MLLT3: variants seen among roughly 807,000 people sequenced by gnomAD.
The protein encoded by MLLT3 is protein AF-9.
A neutral mutation model predicts 53.2 loss-of-function variants in MLLT3; 4 were observed. That is an observed-to-expected ratio of 0.08 (90% CI 0.04 to 0.17). MLLT3 has a LOEUF of 0.17. Ranked by LOEUF, MLLT3 falls within the 10% of genes least tolerant of loss-of-function variation. MLLT3 has a pLI of 1.00. For synonymous variants in MLLT3, 283 were observed against 230.6 expected, an observed-to-expected ratio of 1.23 and a Z score of -2.06; for missense variants, 569 against 684.0, an observed-to-expected ratio of 0.83 and a Z score of 1.87.
At chr9:20,536,014 C>T (rs952000807) in intron 2 of MLLT3, among the ~76,000 whole-genome samples, 2 of 152,030 alleles carry the variant, frequency 1.3e-5, no homozygotes, top group Non-Finnish European at 1.5e-5. Context: ...AAGTCCATCA[C>T]AGGTATATTT....
intron 6 of MLLT3, 22 bp from the exon 7 acceptor site, chr9:20,363,627 C>T: frequency 3.1e-6 from 5 of 1,610,978 alleles, no homozygotes; most frequent in South Asian, 2.2e-5. Context: ...CAATGAACCA[C>T]AGGCAATCAA....
intron 2 of MLLT3, among the ~76,000 whole-genome samples, chr9:20,600,615 A>G (rs1820397473): frequency 6.6e-6 from 1 of 152,208 alleles, no homozygotes; most frequent in Admixed American, 6.5e-5. Context: ...ATCCAACTAG[A>G]TTTTAGGCTT....
At chr9:20,602,780 AC>A (rs1820461316) in intron 2 of MLLT3, among the ~76,000 whole-genome samples, 1 of 151,840 alleles carries the variant, frequency 6.6e-6, no homozygotes, top group African/African-American at 2.4e-5. Flanking sequence ...ACACACACAC[AC>A]ACACACACAC....
intron 4 of MLLT3, among the ~76,000 whole-genome samples, chr9:20,441,473 A>G (rs370013279): frequency 6.6e-6 from 1 of 152,122 alleles, no homozygotes; most frequent in Non-Finnish European, 1.5e-5. Context: ...TTCCACTTTC[A>G]TAACTTAATT....
At chr9:20,409,695 A>G (rs959467856) in intron 5 of MLLT3, among the ~76,000 whole-genome samples, 2 of 152,148 alleles carry the variant, frequency 1.3e-5, no homozygotes, top group African/African-American at 4.8e-5. Flanking sequence ...ATGCTCACCC[A>G]CTATAACACA....
chr9:20,544,033 GA>G (rs1193656798), intron 2 of MLLT3, among the ~76,000 whole-genome samples: 1 of 152,130 alleles, frequency 6.6e-6, no homozygotes, highest in African/African-American at 2.4e-5. Context: ...ACAGAATAGA[GA>G]ACCCAGAAGT....
intron 5 of MLLT3, among the ~76,000 whole-genome samples, chr9:20,412,974 CT>C (rs1292629063): frequency 6.6e-6 from 1 of 152,012 alleles, no homozygotes; most frequent in Non-Finnish European, 1.5e-5. Flanking sequence ...CAAAAAACAC[CT>C]TTTAGGGGAA....
At chr9:20,348,375 A>C (rs1037482741) in intron 10 of MLLT3, among the ~76,000 whole-genome samples, 2 of 152,218 alleles carry the variant, frequency 1.3e-5, no homozygotes, top group African/African-American at 4.8e-5. Context: ...ATTTCTGAAA[A>C]GGGTATGGAC....
chr9:20,567,405 C>A, intron 2 of MLLT3, among the ~76,000 whole-genome samples: 1 of 151,728 alleles, frequency 6.6e-6, no homozygotes, highest in Non-Finnish European at 1.5e-5. Context: ...AGGTTATTAG[C>A]CTTGCTGTTG....
chr9:20,485,815 AAC>A (rs10536646), intron 2 of MLLT3, among the ~76,000 whole-genome samples: 110,673 of 151,896 alleles, frequency 0.73, 40,428 homozygotes, highest in Middle Eastern at 0.86. Context: ...TATAAAACAA[AAC>A]AGTGATTTCT....
chr9:20,582,208 AC>A (rs1819810156), intron 2 of MLLT3, among the ~76,000 whole-genome samples: 1 of 152,164 alleles, frequency 6.6e-6, no homozygotes, highest in Non-Finnish European at 1.5e-5. Context: ...ATTTGCTACA[AC>A]TGATAAACCA....
At chr9:20,356,340 T>C (rs186686219) in intron 8 of MLLT3, among the ~76,000 whole-genome samples, 301 of 152,196 alleles carry the variant, frequency 2.0e-3, no homozygotes, top group Middle Eastern at 6.8e-3. Context: ...AAATTACGTA[T>C]TAACAGAGGC....
At chr9:20,519,312 G>A (rs2118976212) in intron 2 of MLLT3, among the ~76,000 whole-genome samples, 1 of 152,218 alleles carries the variant, frequency 6.6e-6, no homozygotes, top group East Asian at 1.9e-4. Flanking sequence ...TAACAATAGA[G>A]GAAATCGAGT....
intron 2 of MLLT3, among the ~76,000 whole-genome samples, chr9:20,602,002 C>T (rs747239156): frequency 1.3e-5 from 2 of 152,126 alleles, no homozygotes; most frequent in African/African-American, 4.8e-5. Flanking sequence ...GAAAAACAAC[C>T]TCAACAGAAA....
chr9:20,462,541 C>T (rs1040529135), intron 2 of MLLT3, among the ~76,000 whole-genome samples: 19 of 151,304 alleles, frequency 1.3e-4, no homozygotes, highest in Middle Eastern at 6.8e-3. Context: ...AGATGCAGAC[C>T]ACCTGTCCAC....
At chr9:20,422,849 T>C (rs1358602110) in intron 4 of MLLT3, among the ~76,000 whole-genome samples, 1 of 151,860 alleles carries the variant, frequency 6.6e-6, no homozygotes, top group Non-Finnish European at 1.5e-5. Flanking sequence ...ATGGTGACAA[T>C]GATGGTGACA....
At chr9:20,444,616 T>C (rs1013790319) in intron 4 of MLLT3, among the ~76,000 whole-genome samples, 6 of 152,178 alleles carry the variant, frequency 3.9e-5, no homozygotes, top group African/African-American at 1.4e-4. Context: ...CTCACACCTG[T>C]AGTTAGAGCA....
chr9:20,561,145 G>A (rs1049317546), intron 2 of MLLT3, among the ~76,000 whole-genome samples: 10 of 152,074 alleles, frequency 6.6e-5, no homozygotes, highest in Admixed American at 2.6e-4. Context: ...ACACACACGC[G>A]TGTGTGCACA....
intron 4 of MLLT3, among the ~76,000 whole-genome samples, chr9:20,426,445 CAAATA>C (rs1586940922): frequency 6.6e-6 from 1 of 152,120 alleles, no homozygotes; most frequent in East Asian, 1.9e-4. Context: ...TTACTAATCA[CAAATA>C]ATGGCTGGAA....
Sources: allele counts gnomAD v4.1 joint callset (sites outside exome capture counted in the v4.1 genomes callset), GRCh38; gene constraint gnomAD v4.1.1; transcripts MANE v1.5; gene names NCBI Gene and HGNC (gene_info 2026-07-23, HGNC 2026-07-21).